Variants in STX7 observed in about 807,000 individuals in gnomAD.
STX7 encodes the protein syntaxin-7.
In STX7, 34 loss-of-function variants were observed where a neutral mutation model predicts 39.6. The observed-to-expected ratio is 0.86, with a 90% CI of 0.65 to 1.14. The LOEUF (loss-of-function observed/expected upper bound fraction) is 1.14, where lower values mean the gene tolerates loss of function less well. Among genes scored for constraint, STX7 ranks in the 50% most tolerant of loss-of-function variants. The pLI is 0.00. For synonymous variants in STX7, 119 were observed against 99.1 expected (o/e 1.20, Z -1.19); for missense variants, 284 against 310.4 (o/e 0.92, Z 0.64).
chr6:132,462,194 GC>G (rs1774424700), intron 9 of STX7, among the ~76,000 whole-genome samples: 1 of 152,218 alleles, frequency 6.6e-6, no homozygotes, highest in South Asian at 2.1e-4. Context: ...AGACCCTGGG[GC>G]AATGTGGTGA....
chr6:132,455,364 C>T lies in STX7; in HGVS notation c.*5394G>A, dbSNP rs765245901. ...TGCATTTATAAGCTTTCTACCAATG[C>T]TATTAGGTGTTGGAGTTAGTAACTA... On this transcript the variant is annotated 3_prime_UTR_variant, in exon 10 of 10. Coordinates refer to ENST00000367941, the MANE Select transcript of STX7 (RefSeq NM_003569.3). 4 of 152,156 alleles carry T rather than the reference C, an allele frequency of 2.6e-5. No homozygotes were observed. Among genetic ancestry groups the T allele is most frequent in the Non-Finnish European group, 4.4e-5 (3 of 68,016 alleles). 9.4% of individuals were successfully genotyped at this position (152,156 alleles called of 1,614,324 possible). A position where few individuals can be genotyped will look rare whatever the true frequency, so the allele number is the denominator to read the frequency against.
Position 132,460,866 on chromosome 6 carries a change from A to C in STX7, c.694-16T>G, listed in dbSNP as rs764421700. The C allele has an allele frequency of 6.3e-6, 10 of 1,597,764 alleles. No individual in the cohort carries two copies. The highest frequency in any genetic ancestry group is 2.7e-5 in the African/African-American group (2 of 74,434). ...TGGATTTGCGCTGCAGACGCAAAAA[A>C]CAAAACAAAACAAAAAAACATGTTT... On this transcript the variant is annotated splice_polypyrimidine_tract_variant and intron_variant, in intron 9 of 9. Transcript: ENST00000367941.
chr6:132,486,794 T>C (rs187147629), intron 2 of STX7, among the ~76,000 whole-genome samples: 1 of 151,590 alleles, frequency 6.6e-6, no homozygotes, highest in East Asian at 2.0e-4. Flanking sequence ...GTCTCCCAAG[T>C]AGCTGGGATT....
chr6:132,448,920 T>G lies in STX7; in HGVS notation c.*11838A>C, dbSNP rs1376580800. 1 of 151,770 alleles carries G rather than the reference T, an allele frequency of 6.6e-6. No individual in the cohort carries two copies. Among genetic ancestry groups the G allele is most frequent in the Non-Finnish European group, 1.5e-5 (1 of 67,952 alleles). 9.4% of individuals were successfully genotyped at this position (151,770 alleles called of 1,614,324 possible). A position where few individuals can be genotyped will look rare whatever the true frequency, so the allele number is the denominator to read the frequency against. On this transcript the variant is annotated 3_prime_UTR_variant, in exon 10 of 10. Transcript: ENST00000367941. ...AGTTATTCTGGCTGCTTTTAAGATA[T>G]CTTTGCCTTTATTGTTCTGAAGTTT...
chr6:132,454,243 A>C lies in STX7; in HGVS notation c.*6515T>G, dbSNP rs1470694357. 2 of 152,076 alleles carry C rather than the reference A, an allele frequency of 1.3e-5. No homozygotes were observed. Among genetic ancestry groups the C allele is most frequent in the African/African-American group, 4.8e-5 (2 of 41,432 alleles). The allele number at this position is 152,076 out of a possible 1,614,324, so 9.4% of individuals were successfully genotyped here. A position where few individuals can be genotyped will look rare whatever the true frequency, so the allele number is the denominator to read the frequency against. ...TGAAATGAAAAAAAAAAAAACTATA[A>C]AAATGGAGAACAGATTATGGTTGCC... is the stretch of plus-strand genomic sequence containing the variant. On this transcript the variant is annotated 3_prime_UTR_variant, in exon 10 of 10. Transcript: ENST00000367941.
intron 2 of STX7, among the ~76,000 whole-genome samples, chr6:132,475,904 A>C (rs1325246616): frequency 1.3e-5 from 2 of 152,192 alleles, no homozygotes; most frequent in Non-Finnish European, 2.9e-5. Flanking sequence ...CTTATGACCC[A>C]AAAATACTAT....
At chr6:132,507,551 T>C (rs1427681062) in intron 1 of STX7, among the ~76,000 whole-genome samples, 1 of 152,246 alleles carries the variant, frequency 6.6e-6, no homozygotes, top group Non-Finnish European at 1.5e-5. Context: ...TTCATAGGAA[T>C]GGAATCATAC....
At chr6:132,472,664 A>C (rs1774759795) in intron 3 of STX7, among the ~76,000 whole-genome samples, 1 of 152,192 alleles carries the variant, frequency 6.6e-6, no homozygotes, top group Non-Finnish European at 1.5e-5. Flanking sequence ...CCTGAAGGAG[A>C]GACTGTTAGA....
intron 8 of STX7, among the ~76,000 whole-genome samples, chr6:132,464,877 AGGGGCCTGGAGGTGGAACG>A (rs1463093218): frequency 6.6e-6 from 1 of 152,084 alleles, no homozygotes; most frequent in Non-Finnish European, 1.5e-5. Flanking sequence ...CCCACCCTCC[AGGGGCCTGGAGGTGGAACG>A]GGTGTCATTT....
At chr6:132,489,582 T>G (rs2114436241) in intron 2 of STX7, among the ~76,000 whole-genome samples, 1 of 152,298 alleles carries the variant, frequency 6.6e-6, no homozygotes, top group African/African-American at 2.4e-5. Context: ...GCAAAAGCAC[T>G]GATCCAAACT....
intron 1 of STX7, among the ~76,000 whole-genome samples, chr6:132,506,474 A>G (rs1775708984): frequency 6.6e-6 from 1 of 152,232 alleles, no homozygotes; most frequent in Non-Finnish European, 1.5e-5. Flanking sequence ...GAAGACATAC[A>G]AATGGCCAAG....
In STX7 at chr6:132,457,419, G is replaced by A. The variant is rs982625106; in HGVS notation, c.*3339C>T. On this transcript the variant is annotated 3_prime_UTR_variant, in exon 10 of 10. Transcript: ENST00000367941. ...TATCTTTCATGTCACAGTATTTTGA[G>A]GACACAAATTCCTAAATACTCAGAA... The A allele has an allele frequency of 7.2e-5, 11 of 152,072 alleles. No homozygotes were observed. Among genetic ancestry groups the A allele is most frequent in the Non-Finnish European group, 1.2e-4 (8 of 68,014 alleles). 9.4% of individuals were successfully genotyped at this position (152,072 alleles called of 1,614,324 possible).
At position 132,447,621 on chromosome 6, in the gene STX7, C is replaced by T. The variant is rs2114309903; in HGVS notation, c.*13137G>A. The stretch of plus-strand genomic sequence containing the variant: ...ACTTTGTTTAGAACTGTTATACCTA[C>T]TTCAGTTGAAATTTTTATTATTTTT... On this transcript the variant is annotated 3_prime_UTR_variant, in exon 10 of 10. Transcript: ENST00000367941. 1 of 152,174 alleles carries T rather than the reference C, an allele frequency of 6.6e-6. No individual in the cohort carries two copies. The highest frequency in any genetic ancestry group is 1.9e-4 in the East Asian group (1 of 5,184). 9.4% of individuals were successfully genotyped at this position (152,174 alleles called of 1,614,324 possible).
At chr6:132,493,200 A>C in intron 2 of STX7, among the ~76,000 whole-genome samples, 1 of 152,256 alleles carries the variant, frequency 6.6e-6, no homozygotes, top group East Asian at 1.9e-4. Context: ...AAGAGTAGGA[A>C]AATAAATGTA....
At chr6:132,479,474 A>G (rs943657095) in intron 2 of STX7, among the ~76,000 whole-genome samples, 6 of 152,228 alleles carry the variant, frequency 3.9e-5, no homozygotes, top group African/African-American at 1.4e-4. Context: ...AGCCCTGGAT[A>G]GAATAAACAA....
intron 5 of STX7, 62 bp downstream of exon 5, chr6:132,471,400 AC>A (rs1451437243): frequency 1.1e-4 from 176 of 1,531,736 alleles, no homozygotes; most frequent in Non-Finnish European, 1.1e-4. Context: ...GCTACTATAG[AC>A]TTTTATGGGA....
At chr6:132,478,907 C>T (rs1774943971) in intron 2 of STX7, among the ~76,000 whole-genome samples, 4 of 152,188 alleles carry the variant, frequency 2.6e-5, no homozygotes, top group Admixed American at 2.0e-4. Flanking sequence ...CTTTGTACTA[C>T]AATTTCGTTG....
intron 2 of STX7, among the ~76,000 whole-genome samples, chr6:132,493,621 T>G (rs559703826): frequency 2.0e-5 from 3 of 152,216 alleles, no homozygotes; most frequent in African/African-American, 7.2e-5. Context: ...GGAAATGTGA[T>G]CCATTACACC....
chr6:132,470,387 T>C (rs1344740193), intron 6 of STX7, among the ~76,000 whole-genome samples, 187 bp downstream of exon 6: 2 of 152,102 alleles, frequency 1.3e-5, no homozygotes, highest in African/African-American at 4.8e-5. Context: ...GAAAACTTTA[T>C]ATATTTTGTA....
Sources: allele counts gnomAD v4.1 joint callset (sites outside exome capture counted in the v4.1 genomes callset), GRCh38; gene constraint gnomAD v4.1.1; transcripts MANE v1.5; gene names NCBI Gene and HGNC (gene_info 2026-07-23, HGNC 2026-07-21).